Variants in CYP46A1 observed in about 807,000 individuals in gnomAD.
CYP46A1 encodes the protein cytochrome P450 family 46 subfamily A member 1.
CYP46A1 carries 20 observed loss-of-function variants against 63.3 expected under a neutral mutation model. That is an observed-to-expected ratio of 0.32 (90% confidence interval 0.22 to 0.46). The LOEUF is 0.46. Ranked by LOEUF, CYP46A1 falls within the 20% of genes least tolerant of loss-of-function variation. CYP46A1 has a pLI of 1.00. For missense variants in CYP46A1, 445 were observed against 670.8 expected, an observed-to-expected ratio of 0.66 and a Z score of 3.72; for synonymous variants, 268 against 273.6, an observed-to-expected ratio of 0.98 and a Z score of 0.20.
chr14:99,695,090 G>A (rs2056575859), intron 3 of CYP46A1, among the ~76,000 whole-genome samples: 2 of 151,902 alleles, frequency 1.3e-5, no homozygotes, highest in African/African-American at 4.8e-5. Context: ...AAATATTAGG[G>A]GATATTCTAG....
chr14:99,699,683 T>C (rs1324096086), intron 4 of CYP46A1, 144 bp downstream of exon 4: 5 of 865,914 alleles, frequency 5.8e-6, no homozygotes, highest in South Asian at 1.5e-5. Context: ...CCGTAAACAG[T>C]GGCCCCACTC....
intron 7 of CYP46A1, chr14:99,709,663 T>C (rs1055591026): frequency 4.6e-5 from 7 of 152,324 alleles, no homozygotes; most frequent in South Asian, 2.1e-4. Context: ...GCAAAAGATA[T>C]AGACATCCAG....
chr14:99,724,988 G>A lies in CYP46A1; in HGVS notation c.1177-403G>A, dbSNP rs573470201. On this transcript the variant is annotated intron_variant, in intron 12 of 14. Coordinates refer to ENST00000261835, the MANE Select transcript of CYP46A1 (RefSeq NM_006668.2). ...AGAGAAACTGAATATAACAGTTCTCGGGATCTAGAGGAAGTTGGCCTCACA... is the reference window on the plus strand; with the variant it reads ...AGAGAAACTGAATATAACAGTTCTCAGGATCTAGAGGAAGTTGGCCTCACA... Among the ~76,000 whole-genome samples, 21 of 152,280 alleles carry A rather than the reference G, an allele frequency of 1.4e-4. No individual in the cohort carries two copies. The East Asian group carries it at 3.1e-3, about 22-fold the overall frequency.
At position 99,718,058 on chromosome 14, in the gene CYP46A1, C is replaced by T. The variant is rs200661407; in HGVS notation, c.912C>T (p.His304=). 3.3e-5 allele frequency: 53 copies of T among 1,613,770 alleles called. No homozygotes were observed. The highest frequency in any genetic ancestry group is 6.7e-5 in the East Asian group (3 of 44,890). Residue 304 remains histidine (H), a synonymous_variant, in exon 10 of 15, where the codon CAC becomes CAT. Transcript: ENST00000261835. ...DNFVTFFIAG[H]ETSANHLAFT... is the part of the protein sequence containing the mutation. ...CACCGTCCTCCCTTCCCACAGGTCA[C>T]GAGACCTCTGCCAACCACTTGGCGT...
chr14:99,691,509 G>A (rs1595184493), intron 2 of CYP46A1: 1 of 571,144 alleles, frequency 1.8e-6, no homozygotes, highest in East Asian at 2.8e-5. Flanking sequence ...TTGATTCCCA[G>A]GACAACCTTT....
At chr14:99,697,774 C>T (rs183257215) in intron 3 of CYP46A1, among the ~76,000 whole-genome samples, 6 of 152,252 alleles carry the variant, frequency 3.9e-5, no homozygotes, top group Admixed American at 3.9e-4. Flanking sequence ...TTTATGTCAC[C>T]AGGCCATCAC....
chr14:99,726,321 C>T (rs1010686470), intron 14 of CYP46A1, 65 bp downstream of exon 14: 42 of 1,542,824 alleles, frequency 2.7e-5, no homozygotes, highest in Middle Eastern at 2.2e-4. Context: ...CATCCTGAGC[C>T]GGGAAGCATC....
intron 7 of CYP46A1, chr14:99,709,902 A>G (rs1417316713): frequency 6.6e-6 from 1 of 152,238 alleles, no homozygotes; most frequent in Admixed American, 6.5e-5. Flanking sequence ...AAATCTTACA[A>G]GCCAGGAGTG....
intron 1 of CYP46A1, chr14:99,684,746 G>C: frequency 1.6e-6 from 1 of 644,950 alleles, no homozygotes; most frequent in South Asian, 1.5e-5. Context: ...GCACAGCTGG[G>C]CCCCACAAAC....
In CYP46A1 at chr14:99,726,797, AC is replaced by A; in HGVS notation, c.*73del. ...CCGCCCACCTCTGCTGCCCACGGCC[AC>A]CCACCCTTCTCCCCTGCCCCGTCCC... On this transcript the variant is annotated 3_prime_UTR_variant, in exon 15 of 15. Transcript: ENST00000261835. 7.9e-7 allele frequency: 1 copy of A among 1,264,866 alleles called. No homozygotes were observed. Among genetic ancestry groups the A allele is most frequent in the Non-Finnish European group, 1.0e-6 (1 of 956,992 alleles). The allele number at this position is 1,264,866 out of a possible 1,614,324, so 78.4% of individuals were successfully genotyped here.
At chr14:99,710,132 TG>T (rs2056716451) in intron 7 of CYP46A1, 1 of 151,986 alleles carries the variant, frequency 6.6e-6, no homozygotes, top group Non-Finnish European at 1.5e-5. Context: ...TGAAAACACA[TG>T]AAAGTATAAA....
chr14:99,711,661 C>T (rs1026863450), intron 7 of CYP46A1: 2 of 152,012 alleles, frequency 1.3e-5, no homozygotes, highest in African/African-American at 4.8e-5. Flanking sequence ...AAGAAAAGCC[C>T]GTGACCAGAT....
chr14:99,716,084 T>C (rs2056787326), intron 8 of CYP46A1, 53 bp from the exon 9 acceptor site: 5 of 1,612,156 alleles, frequency 3.1e-6, no homozygotes, highest in Non-Finnish European at 4.2e-6. Context: ...TTATGAGCCA[T>C]GGGGAAAGGG....
At chr14:99,685,073 C>G (rs1415940632) in intron 1 of CYP46A1, among the ~76,000 whole-genome samples, 2 of 50,744 alleles carry the variant, frequency 3.9e-5, no homozygotes, top group Non-Finnish European at 8.3e-5. Context: ...AACTTACACC[C>G]CCCTCAACTT....
rs2056908938 is a variant in CYP46A1 at position 99,726,947 on chromosome 14, C to T, written c.*220C>T. The T allele has an allele frequency of 6.9e-6, 3 of 433,272 alleles. No individual in the cohort carries two copies. Among genetic ancestry groups the T allele is most frequent in the Middle Eastern group, 1.2e-3 (2 of 1,718 alleles). 26.8% of individuals were successfully genotyped at this position (433,272 alleles called of 1,614,324 possible). ...CCTGGACTGGCCCTTGCCCAACTCC[C>T]AGCCACCACCACTGTCCCTACCACT... On this transcript the variant is annotated 3_prime_UTR_variant, in exon 15 of 15. Transcript: ENST00000261835.
chr14:99,716,214 C>CG lies in CYP46A1; in HGVS notation c.907+17dup, dbSNP rs753212124. 4 of 1,613,776 alleles carry CG rather than the reference C, an allele frequency of 2.5e-6. No individual in the cohort carries two copies. In the African/African-American group the frequency reaches 5.3e-5, roughly 22 times the overall value. The stretch of plus-strand genomic sequence containing the variant: ...CTTCATTGCTGGTTTGTAGCTTTGG[C>CG]GGTGGCCAAGGGCCCGGAGCTCTGC... On this transcript the variant is annotated intron_variant, in intron 9 of 14. Coordinates refer to ENST00000261835, the MANE Select transcript of CYP46A1 (RefSeq NM_006668.2).
chr14:99,725,131 G>A lies in CYP46A1; in HGVS notation c.1177-260G>A, dbSNP rs186914531. Among the ~76,000 whole-genome samples the A allele has an allele frequency of 2.1e-3, 315 of 152,232 alleles. 3 individuals are homozygous for A. Among genetic ancestry groups the A allele is most frequent in the Middle Eastern group, 0.01 (3 of 294 alleles). ...TCATCTGTAAAATGGGGACAATGAC[G>A]GCTCCCCTACAGGGCTGAGCCCAGC... On this transcript the variant is annotated intron_variant, in intron 12 of 14. Coordinates refer to ENST00000261835, the MANE Select transcript of CYP46A1 (RefSeq NM_006668.2). The surrounding 1 kb of genome is among the most constrained non-coding windows in gnomAD (Gnocchi z 4.2).
At chr14:99,723,057 C>T in intron 12 of CYP46A1, 1 of 329,262 alleles carries the variant, frequency 3.0e-6, no homozygotes. Context: ...TCTTCATCAT[C>T]TCCAGCACTT....
rs138342298 is a variant in CYP46A1, at chr14:99,703,157, A to G, written c.443+3056A>G. 3.1e-3 allele frequency among the ~76,000 whole-genome samples: 465 copies of G among 152,300 alleles called. 2 individuals are homozygous for G. Among genetic ancestry groups the G allele is most frequent in the African/African-American group, 0.011 (449 of 41,568 alleles). ...TGCTGTGTCCTCTGTGGGGCATTGT[A>G]TCAGGAGGCACATGCTACTGATTTG... On this transcript the variant is annotated intron_variant, in intron 5 of 14. Coordinates refer to ENST00000261835, the MANE Select transcript of CYP46A1 (RefSeq NM_006668.2).
Sources: gnomAD v4.1 joint callset for allele counts (sites outside exome capture counted in the v4.1 genomes callset) on GRCh38, gnomAD v4.1.1 for gene constraint, Gnocchi (gnomAD v3.1) non-coding constraint, MANE v1.5 for transcripts, NCBI Gene and HGNC (gene_info 2026-07-23, HGNC 2026-07-21) for gene names.